The following SGCZ variants were observed in gnomAD, a reference collection of about 807,000 sequenced individuals.
The protein encoded by SGCZ is zeta-sarcoglycan.
Under a neutral mutation model 41.3 loss-of-function variants are expected in SGCZ, and 40 were observed. That is an observed-to-expected ratio of 0.97 (90% CI 0.75 to 1.26). The LOEUF (loss-of-function observed/expected upper bound fraction) is 1.26. SGCZ is among the 50% of genes most tolerant of loss of function. SGCZ has a pLI of 0.00. For missense variants in SGCZ, 552 were observed against 369.8 expected (o/e 1.49, Z -4.04); for synonymous variants, 206 against 137.5 (o/e 1.50, Z -3.49).
At chr8:15,119,232 C>G (rs1438729287) in intron 1 of SGCZ, among the ~76,000 whole-genome samples, 1 of 151,964 alleles carries the variant, frequency 6.6e-6, no homozygotes, top group Non-Finnish European at 1.5e-5. Context: ...CCAAATAAAT[C>G]CTCTGAAAAT....
At chr8:14,491,582 T>A (rs1374199030) in intron 2 of SGCZ, among the ~76,000 whole-genome samples, 4 of 152,308 alleles carry the variant, frequency 2.6e-5, no homozygotes, top group African/African-American at 7.2e-5. Context: ...CTTTAATAGA[T>A]AAAGGAAAGC....
chr8:14,299,582 G>A (rs557526665), intron 3 of SGCZ, among the ~76,000 whole-genome samples: 9 of 151,976 alleles, frequency 5.9e-5, no homozygotes, highest in East Asian at 3.9e-4. Context: ...TGCCATCAGG[G>A]AAATGTGAAT....
chr8:15,087,729 A>G (rs1276763552), intron 1 of SGCZ, among the ~76,000 whole-genome samples: 2 of 152,174 alleles, frequency 1.3e-5, no homozygotes, highest in African/African-American at 2.4e-5. Context: ...CAGCTAACCT[A>G]GTATTAACAT....
intron 1 of SGCZ, among the ~76,000 whole-genome samples, chr8:14,726,923 T>C (rs868138269): frequency 6.6e-6 from 1 of 152,140 alleles, no homozygotes; most frequent in Non-Finnish European, 1.5e-5. Context: ...AAAAAACTTA[T>C]GAGCTTCACG....
At chr8:14,690,747 G>A (rs951905354) in intron 1 of SGCZ, 3 of 152,086 alleles carry the variant, frequency 2.0e-5, no homozygotes, top group Non-Finnish European at 4.4e-5. Flanking sequence ...ATGGCTCTAG[G>A]TAAAACAATT....
At chr8:14,190,173 C>T (rs1585215536) in intron 4 of SGCZ, among the ~76,000 whole-genome samples, 2 of 151,640 alleles carry the variant, frequency 1.3e-5, no homozygotes, top group African/African-American at 4.8e-5. Context: ...CCACCACGCC[C>T]GGCTAATTCT....
intron 1 of SGCZ, among the ~76,000 whole-genome samples, chr8:14,803,313 G>T (rs1801390634): frequency 6.6e-6 from 1 of 152,106 alleles, no homozygotes; most frequent in Admixed American, 6.5e-5. Flanking sequence ...TCCATCTGAG[G>T]TACCGGATTC....
intron 1 of SGCZ, among the ~76,000 whole-genome samples, chr8:14,894,599 T>C (rs977718768): frequency 6.6e-6 from 1 of 152,076 alleles, no homozygotes; most frequent in South Asian, 2.1e-4. Context: ...AAGACACAGT[T>C]TTTCATACCC....
intron 3 of SGCZ, among the ~76,000 whole-genome samples, chr8:14,271,458 A>G (rs1015793594): frequency 2.0e-5 from 3 of 152,194 alleles, no homozygotes; most frequent in East Asian, 3.9e-4. Context: ...AAGAACAAAT[A>G]AAATATTCTG....
intron 1 of SGCZ, among the ~76,000 whole-genome samples, chr8:14,630,556 T>C (rs1357689117): frequency 3.3e-5 from 5 of 152,146 alleles, no homozygotes; most frequent in African/African-American, 9.6e-5. Flanking sequence ...CATGCTGCTA[T>C]AAAGACACAT....
chr8:15,193,246 T>C (rs1387637406), intron 1 of SGCZ, among the ~76,000 whole-genome samples: 22 of 152,214 alleles, frequency 1.4e-4, no homozygotes, highest in Admixed American at 1.4e-3. Context: ...TAGAAGACTA[T>C]AATTATCAAA....
chr8:14,096,114 G>A (rs1223108649), intron 7 of SGCZ, among the ~76,000 whole-genome samples: 3 of 152,038 alleles, frequency 2.0e-5, no homozygotes, highest in Non-Finnish European at 4.4e-5. Flanking sequence ...TTTCCTGACT[G>A]CCCTAGCCAG....
chr8:14,790,536 G>A (rs937291516), intron 1 of SGCZ, among the ~76,000 whole-genome samples: 1 of 152,024 alleles, frequency 6.6e-6, no homozygotes, highest in Admixed American at 6.6e-5. Flanking sequence ...AACAAAGAGA[G>A]TATTTATAGA....
At chr8:14,700,595 C>T (rs1417490760) in intron 1 of SGCZ, among the ~76,000 whole-genome samples, 1 of 151,692 alleles carries the variant, frequency 6.6e-6, no homozygotes, top group East Asian at 1.9e-4. Flanking sequence ...AGCACATGTA[C>T]CCCCAAAACT....
chr8:14,222,706 G>C (rs991795284), intron 4 of SGCZ, among the ~76,000 whole-genome samples: 3 of 148,904 alleles, frequency 2.0e-5, no homozygotes, highest in African/African-American at 7.4e-5. Flanking sequence ...AAGATGAAGA[G>C]ACTTAATGTT....
At chr8:14,378,234 A>G (rs1259167370) in intron 2 of SGCZ, among the ~76,000 whole-genome samples, 4 of 151,348 alleles carry the variant, frequency 2.6e-5, no homozygotes, top group African/African-American at 9.8e-5. Context: ...AACTGGTGTG[A>G]GATGGTATCT....
intron 2 of SGCZ, among the ~76,000 whole-genome samples, chr8:14,343,181 G>T (rs1245985794): frequency 6.6e-6 from 1 of 152,240 alleles, no homozygotes; most frequent in Non-Finnish European, 1.5e-5. Context: ...GCAAAAGTTT[G>T]CTGCATGGGC....
intron 1 of SGCZ, among the ~76,000 whole-genome samples, chr8:14,644,969 A>G (rs1192230839): frequency 6.7e-6 from 1 of 149,302 alleles, no homozygotes; most frequent in Admixed American, 6.7e-5. Context: ...AAAAGTCTCC[A>G]ACGTTACTCG....
intron 1 of SGCZ, among the ~76,000 whole-genome samples, chr8:15,195,913 T>C (rs1426776958): frequency 7.8e-6 from 1 of 128,572 alleles, no homozygotes; most frequent in Non-Finnish European, 1.7e-5. Context: ...TTTTTTTTTT[T>C]TTGAGACGGA....
Sources: allele counts gnomAD v4.1 joint callset (sites outside exome capture counted in the v4.1 genomes callset), GRCh38; gene constraint gnomAD v4.1.1; transcripts MANE v1.5; gene names NCBI Gene and HGNC (gene_info 2026-07-23, HGNC 2026-07-21).